RTN1: variants seen among roughly 807,000 people sequenced by gnomAD.
RTN1 encodes reticulon-1.
RTN1 carries 25 observed loss-of-function variants against 65.5 expected under a neutral mutation model. The ratio of observed to expected loss-of-function variants is 0.38; its 90% CI spans 0.28 to 0.53. RTN1 has a LOEUF of 0.53. Ranked by LOEUF, RTN1 falls within the 20% of genes least tolerant of loss-of-function variation. The pLI is 0.79. For synonymous variants in RTN1, 471 were observed against 447.6 expected (o/e 1.05, Z -0.66); for missense variants, 983 against 1,025.4 (o/e 0.96, Z 0.57).
intron 1 of RTN1, among the ~76,000 whole-genome samples, chr14:59,772,948 C>T (rs1285085179): frequency 2.0e-5 from 3 of 152,112 alleles, no homozygotes; most frequent in Non-Finnish European, 2.9e-5. Flanking sequence ...CTGATAATAG[C>T]ATCCTACTGT....
intron 4 of RTN1, among the ~76,000 whole-genome samples, chr14:59,606,809 C>A (rs1322697964): frequency 1.3e-5 from 2 of 152,110 alleles, no homozygotes; most frequent in African/African-American, 4.8e-5. Flanking sequence ...GTTCATGAAC[C>A]CTGCACCCCC....
At chr14:59,756,339 A>C (rs1044281134) in intron 1 of RTN1, among the ~76,000 whole-genome samples, 4 of 152,188 alleles carry the variant, frequency 2.6e-5, no homozygotes, top group Non-Finnish European at 5.9e-5. Flanking sequence ...ATCTTAAGAA[A>C]AGGTGCCTAA....
chr14:59,677,222 C>T (rs1883645630), intron 3 of RTN1, among the ~76,000 whole-genome samples: 1 of 152,238 alleles, frequency 6.6e-6, no homozygotes, highest in Non-Finnish European at 1.5e-5. Context: ...TGATGCAATA[C>T]ATTCACAGTG....
Position 59,790,423 on chromosome 14 carries a change from A to T in RTN1, c.242-43942T>A, listed in dbSNP as rs1480612225. ...GTTTAAATTTAAAACTAATAATAAT[A>T]TGAAACTCTTGTGTCACCTTTTATT... On this transcript the variant is annotated intron_variant, in intron 1 of 8. Transcript: ENST00000267484. This position sits in a 1 kb window ranked among gnomAD's most constrained non-coding sequence, Gnocchi z 4.1. Among the ~76,000 whole-genome samples the T allele has an allele frequency of 3.3e-5, 5 of 152,246 alleles. No homozygotes were observed. The East Asian group carries it at 9.6e-4, about 29-fold the overall frequency.
intron 3 of RTN1, among the ~76,000 whole-genome samples, chr14:59,696,976 T>C (rs1473194632): frequency 6.6e-6 from 1 of 152,198 alleles, no homozygotes; most frequent in East Asian, 1.9e-4. Context: ...AGTGGCATTG[T>C]CAACTAGCCA....
chr14:59,749,126 A>C (rs1348310316), intron 1 of RTN1, among the ~76,000 whole-genome samples: 5,551 of 32,370 alleles, frequency 0.17, 632 homozygotes, highest in African/African-American at 0.24. Flanking sequence ...ATATATATAG[A>C]TATATCTATA....
intron 1 of RTN1, among the ~76,000 whole-genome samples, chr14:59,833,360 T>C (rs147930718): frequency 1.5e-3 from 232 of 152,222 alleles, no homozygotes; most frequent in African/African-American, 5.2e-3. Flanking sequence ...GCGATATAAG[T>C]CTAAGAGGGA....
chr14:59,803,494 A>C lies in RTN1; in HGVS notation c.242-57013T>G, dbSNP rs937931609. 1.2e-4 allele frequency among the ~76,000 whole-genome samples: 18 copies of C among 152,234 alleles called. No individual in the cohort carries two copies. The highest frequency in any genetic ancestry group is 2.5e-4 in the Non-Finnish European group (17 of 68,036). On this transcript the variant is annotated intron_variant, in intron 1 of 8. Coordinates refer to ENST00000267484, the MANE Select transcript of RTN1 (RefSeq NM_021136.3). The surrounding 1 kb of genome is among the most constrained non-coding windows in gnomAD (Gnocchi z 5.6). Reference sequence around the variant, plus strand: ...ACCCAAATCTACTCTGGCCTGAATTATTCAAGTTAAATACAACCTTCTTTG... The same window carrying C: ...ACCCAAATCTACTCTGGCCTGAATTCTTCAAGTTAAATACAACCTTCTTTG...
chr14:59,783,995 C>T (rs1014982304), intron 1 of RTN1, among the ~76,000 whole-genome samples: 14 of 150,988 alleles, frequency 9.3e-5, no homozygotes, highest in Non-Finnish European at 2.1e-4. Flanking sequence ...CTTAGAAACA[C>T]TTATTGGCTG....
chr14:59,736,991 A>T (rs1336415832), intron 2 of RTN1, among the ~76,000 whole-genome samples: 1 of 152,224 alleles, frequency 6.6e-6, no homozygotes, highest in East Asian at 1.9e-4. Flanking sequence ...CTGTCAATAA[A>T]CTGGGTTTTG....
At chr14:59,824,283 C>T (rs1402615446) in intron 1 of RTN1, among the ~76,000 whole-genome samples, 1 of 152,186 alleles carries the variant, frequency 6.6e-6, no homozygotes, top group Non-Finnish European at 1.5e-5. Flanking sequence ...TATTTTCTCT[C>T]ATTCTACCAT....
At chr14:59,695,449 G>A (rs531656663) in intron 3 of RTN1, among the ~76,000 whole-genome samples, 1 of 152,294 alleles carries the variant, frequency 6.6e-6, no homozygotes, top group Non-Finnish European at 1.5e-5. Flanking sequence ...CTTAGCTAGG[G>A]CCGTTTTGTG....
intron 3 of RTN1, among the ~76,000 whole-genome samples, chr14:59,642,567 C>T (rs1284671577): frequency 6.6e-6 from 1 of 152,090 alleles, no homozygotes; most frequent in Non-Finnish European, 1.5e-5. Context: ...TTTGAGTTTA[C>T]TAATTCTGTC....
intron 3 of RTN1, among the ~76,000 whole-genome samples, chr14:59,702,972 T>A (rs1884211670): frequency 6.6e-6 from 1 of 152,136 alleles, no homozygotes; most frequent in Non-Finnish European, 1.5e-5. Flanking sequence ...ACTGCAGTTG[T>A]TTCTTCCTCC....
intron 3 of RTN1, among the ~76,000 whole-genome samples, chr14:59,718,706 T>A (rs971791490): frequency 1.4e-4 from 22 of 152,176 alleles, no homozygotes; most frequent in Admixed American, 1.2e-3. Context: ...TCCAAATGGA[T>A]GAGTTTTTCC....
At chr14:59,837,994 A>G (rs1001880852) in intron 1 of RTN1, among the ~76,000 whole-genome samples, 2 of 152,142 alleles carry the variant, frequency 1.3e-5, no homozygotes, top group Non-Finnish European at 2.9e-5. Flanking sequence ...CAGGTTTGTT[A>G]CATGGGTATA....
At chr14:59,668,204 T>C (rs1252248715) in intron 3 of RTN1, among the ~76,000 whole-genome samples, 1 of 152,146 alleles carries the variant, frequency 6.6e-6, no homozygotes. Flanking sequence ...CTTCAAACTA[T>C]ACTACAAGGC....
chr14:59,603,019 G>A, intron 8 of RTN1, 46 bp downstream of exon 8: 1 of 1,504,704 alleles, frequency 6.6e-7, no homozygotes. Flanking sequence ...CTCAAATGCT[G>A]ATGTAAGAGA....
intron 3 of RTN1, among the ~76,000 whole-genome samples, chr14:59,678,984 G>A (rs1824157989): frequency 6.6e-6 from 1 of 152,130 alleles, no homozygotes; most frequent in Admixed American, 6.5e-5. Flanking sequence ...ACTCTGTTGG[G>A]TTCTTGAGTT....
Sources: allele counts gnomAD v4.1 joint callset (sites outside exome capture counted in the v4.1 genomes callset), GRCh38; gene constraint gnomAD v4.1.1; non-coding constraint Gnocchi (gnomAD v3.1); transcripts MANE v1.5; gene names NCBI Gene and HGNC (gene_info 2026-07-23, HGNC 2026-07-21).